CDH12: variants seen among roughly 807,000 people sequenced by gnomAD.
The protein encoded by CDH12 is cadherin-12.
Under a neutral mutation model 74.1 loss-of-function variants are expected in CDH12, and 41 were observed. That is an observed-to-expected ratio of 0.55 (90% CI 0.43 to 0.72). The LOEUF (loss-of-function observed/expected upper bound fraction) is 0.72. Ranked by LOEUF, CDH12 falls within the 30% of genes least tolerant of loss-of-function variation. The pLI, the probability that CDH12 is intolerant of heterozygous loss-of-function variation, is 0.00. For missense variants in CDH12, 945 were observed against 977.2 expected (o/e 0.97, Z 0.44); for synonymous variants, 399 against 355.0 (o/e 1.12, Z -1.39).
chr5:22,010,754 G>T (rs1439967378), intron 5 of CDH12, among the ~76,000 whole-genome samples: 1 of 152,048 alleles, frequency 6.6e-6, no homozygotes, highest in Non-Finnish European at 1.5e-5. Flanking sequence ...CAGTCATCTC[G>T]ACTATTTAAC....
chr5:22,569,948 T>C (rs1739464016), intron 1 of CDH12, among the ~76,000 whole-genome samples: 1 of 152,202 alleles, frequency 6.6e-6, no homozygotes, highest in African/African-American at 2.4e-5. Flanking sequence ...GTGAATCCTT[T>C]CCAAATGGTT....
chr5:21,802,843 C>T (rs371260339), intron 9 of CDH12, among the ~76,000 whole-genome samples: 1 of 151,988 alleles, frequency 6.6e-6, no homozygotes, highest in Non-Finnish European at 1.5e-5. Flanking sequence ...CCACCCACCT[C>T]GGCCTCCCAA....
intron 1 of CDH12, among the ~76,000 whole-genome samples, chr5:22,665,815 G>A (rs1740584426): frequency 6.6e-6 from 1 of 152,090 alleles, no homozygotes; most frequent in African/African-American, 2.4e-5. Context: ...GCCCAACAGT[G>A]CTATCTTTCA....
chr5:22,707,802 C>CT (rs1194332224), intron 1 of CDH12, among the ~76,000 whole-genome samples: 4 of 151,744 alleles, frequency 2.6e-5, no homozygotes, highest in South Asian at 2.1e-4. Context: ...GATGCTAAAA[C>CT]TTTTTTTTTC....
At chr5:22,411,044 A>G (rs1743149508) in intron 2 of CDH12, among the ~76,000 whole-genome samples, 1 of 152,058 alleles carries the variant, frequency 6.6e-6, no homozygotes, top group South Asian at 2.1e-4. Context: ...TGTACTCTAC[A>G]AAAAGGAATG....
chr5:21,784,404 A>G (rs1746088559), intron 10 of CDH12, among the ~76,000 whole-genome samples: 1 of 152,152 alleles, frequency 6.6e-6, no homozygotes, highest in Non-Finnish European at 1.5e-5. Flanking sequence ...TAGTATTATT[A>G]ATATGTCTTA....
intron 6 of CDH12, among the ~76,000 whole-genome samples, chr5:21,860,041 T>G (rs1462373408): frequency 6.6e-6 from 1 of 151,166 alleles, no homozygotes; most frequent in African/African-American, 2.4e-5. Context: ...CCTGCTGAGG[T>G]GCTTGCTGAA....
intron 5 of CDH12, among the ~76,000 whole-genome samples, chr5:22,066,909 C>CA (rs1741602612): frequency 6.6e-6 from 1 of 152,102 alleles, no homozygotes; most frequent in Admixed American, 6.6e-5. Context: ...ACTGTTTTGC[C>CA]AGATGTGGCT....
At chr5:22,347,322 G>T (rs1404805465) in intron 3 of CDH12, among the ~76,000 whole-genome samples, 2 of 152,158 alleles carry the variant, frequency 1.3e-5, no homozygotes, top group African/African-American at 2.4e-5. Flanking sequence ...GAACGTGGAA[G>T]GATCTGACTG....
intron 4 of CDH12, among the ~76,000 whole-genome samples, chr5:22,202,582 C>T (rs1750987219): frequency 6.6e-6 from 1 of 152,054 alleles, no homozygotes; most frequent in South Asian, 2.1e-4. Flanking sequence ...TTTGATTATC[C>T]AGCAAGAGTA....
chr5:22,229,662 C>T (rs1410634112), intron 3 of CDH12, among the ~76,000 whole-genome samples: 3 of 152,044 alleles, frequency 2.0e-5, no homozygotes, highest in Non-Finnish European at 4.4e-5. Context: ...CCAAATGATT[C>T]TAGGCCATCA....
intron 5 of CDH12, among the ~76,000 whole-genome samples, chr5:21,996,260 G>C (rs1224019433): frequency 6.6e-6 from 1 of 152,098 alleles, no homozygotes. Flanking sequence ...CGCCATGCCA[G>C]CTGCCTCCCA....
chr5:21,805,771 G>GAAT (rs1747393650), intron 9 of CDH12, among the ~76,000 whole-genome samples: 3 of 152,040 alleles, frequency 2.0e-5, no homozygotes, highest in Admixed American at 1.3e-4. Flanking sequence ...AATAAATATA[G>GAAT]AATAAATAGG....
chr5:22,384,253 G>T (rs1476041473), intron 3 of CDH12, among the ~76,000 whole-genome samples: 4 of 151,772 alleles, frequency 2.6e-5, no homozygotes, highest in Non-Finnish European at 5.9e-5. Context: ...GGCCGGGCGC[G>T]GTGGCTCACG....
At chr5:22,679,853 C>T (rs1215725854) in intron 1 of CDH12, among the ~76,000 whole-genome samples, 1 of 152,070 alleles carries the variant, frequency 6.6e-6, no homozygotes, top group African/African-American at 2.4e-5. Context: ...AACAAAGAGA[C>T]TCTTTCTGTT....
intron 3 of CDH12, among the ~76,000 whole-genome samples, chr5:22,337,099 G>A (rs1490979238): frequency 6.6e-6 from 1 of 152,192 alleles, no homozygotes; most frequent in Non-Finnish European, 1.5e-5. Flanking sequence ...CTGCCCTGCT[G>A]GCATTCAGAC....
intron 1 of CDH12, among the ~76,000 whole-genome samples, chr5:22,515,825 T>C (rs1736786530): frequency 6.6e-6 from 1 of 152,116 alleles, no homozygotes; most frequent in Non-Finnish European, 1.5e-5. Flanking sequence ...TAGTAAAATA[T>C]TTTTATCAAC....
At position 22,628,167 on chromosome 5, in the gene CDH12, C is replaced by T. The variant is rs72746652; in HGVS notation, c.-522-122803G>A. On this transcript the variant is annotated intron_variant, in intron 1 of 14. Transcript: ENST00000382254. Reference sequence around the variant, plus strand: ...ACAAAATAATAATGAGAGACTTCAACACTCCACAGACATTATTAGATCAAC... The same window carrying T: ...ACAAAATAATAATGAGAGACTTCAATACTCCACAGACATTATTAGATCAAC... Among the ~76,000 whole-genome samples the T allele has an allele frequency of 4.6e-3, 700 of 152,124 alleles. 2 individuals carry two copies. Among genetic ancestry groups the T allele is most frequent in the Non-Finnish European group, 8.5e-3 (580 of 67,974 alleles).
At chr5:21,957,568 C>T (rs1756158548) in intron 6 of CDH12, among the ~76,000 whole-genome samples, 2 of 152,100 alleles carry the variant, frequency 1.3e-5, no homozygotes, top group Admixed American at 1.3e-4. Context: ...CACAACCTGC[C>T]AGCATCTGTT....
Sources: gnomAD v4.1 joint callset for allele counts (sites outside exome capture counted in the v4.1 genomes callset) on GRCh38, gnomAD v4.1.1 for gene constraint, MANE v1.5 for transcripts, NCBI Gene and HGNC (gene_info 2026-07-23, HGNC 2026-07-21) for gene names.